Variants in NOL12 observed in about 807,000 individuals in gnomAD.
NOL12 encodes the protein nucleolar protein 12.
NOL12 carries 21 observed loss-of-function variants against 25.2 expected under a neutral mutation model. The ratio of observed to expected loss-of-function variants is 0.83; its 90% CI spans 0.59 to 1.20. NOL12 has a LOEUF of 1.20. NOL12 is among the 50% of genes most tolerant of loss of function. The probability of loss-of-function intolerance (pLI) is 0.00; values close to 1 mark genes in which losing one functional copy is unlikely to be tolerated. For missense variants in NOL12, 286 were observed against 287.6 expected, an observed-to-expected ratio of 0.99 and a Z score of 0.04; for synonymous variants, 133 against 113.8, an observed-to-expected ratio of 1.17 and a Z score of -1.08.
rs1569025716 is a variant in NOL12, at chr22:37,692,031, G to T, written c.*695G>T. 6.5e-6 allele frequency: 1 copy of T among 152,822 alleles called. No individual in the cohort carries two copies. Among genetic ancestry groups the T allele is most frequent in the East Asian group, 1.9e-4 (1 of 5,232 alleles). The allele number at this position is 152,822 out of a possible 1,614,324, so 9.5% of individuals were successfully genotyped here. On this transcript the variant is annotated 3_prime_UTR_variant, in exon 6 of 6. Coordinates refer to ENST00000359114, the MANE Select transcript of NOL12 (RefSeq NM_024313.3). ...CAGGCTTCCAGCAGCTCCCAGGTGGGTCCCAACGTGGAAGGATTAATTAAT... is the reference window on the plus strand; with the variant it reads ...CAGGCTTCCAGCAGCTCCCAGGTGGTTCCCAACGTGGAAGGATTAATTAAT...
intron 1 of NOL12, chr22:37,687,142 G>A (rs995122800): frequency 1.0e-6 from 1 of 966,700 alleles, no homozygotes; most frequent in Non-Finnish European, 1.2e-6. Context: ...TGGGGACATG[G>A]GTGTTGGTCC....
chr22:37,693,061 G>A lies in NOL12; in HGVS notation c.*1725G>A, dbSNP rs1022767049. 1 of 207,324 alleles carries A rather than the reference G, an allele frequency of 4.8e-6. No homozygotes were observed. The highest frequency in any genetic ancestry group is 9.6e-6 in the Non-Finnish European group (1 of 104,290). The allele number at this position is 207,324 out of a possible 1,614,324, so 12.8% of individuals were successfully genotyped here. A position where few individuals can be genotyped will look rare whatever the true frequency, so the allele number is the denominator to read the frequency against. On this transcript the variant is annotated 3_prime_UTR_variant, in exon 6 of 6. Transcript: ENST00000359114. ...TGGCTGCCTCGTGCCTGGGCACAGT[G>A]GTGCCTATTATGGGCCCTCCAGGTG...
At position 37,692,960 on chromosome 22, in the gene NOL12, C is replaced by G. The variant is rs1922136325; in HGVS notation, c.*1624C>G. ...TCCCCTCAGGGATTGTGCTGAGCGC[C>G]TTGGCCTGGCTTCTTGGCTCCGCCC... On this transcript the variant is annotated 3_prime_UTR_variant, in exon 6 of 6. Coordinates refer to ENST00000359114, the MANE Select transcript of NOL12 (RefSeq NM_024313.3). 1 of 364,498 alleles carries G rather than the reference C, an allele frequency of 2.7e-6. No homozygotes were observed. The highest frequency in any genetic ancestry group is 2.1e-5 in the African/African-American group (1 of 48,030). The allele number at this position is 364,498 out of a possible 1,614,324, so 22.6% of individuals were successfully genotyped here. A position where few individuals can be genotyped will look rare whatever the true frequency, so the allele number is the denominator to read the frequency against.
intron 4 of NOL12, 136 bp from the exon 5 acceptor site, chr22:37,690,561 C>G (rs1275041653): frequency 3.2e-6 from 2 of 615,936 alleles, no homozygotes; most frequent in Non-Finnish European, 5.9e-6. Context: ...CCATCAGAAG[C>G]CTTCTCTAGT....
At position 37,692,323 on chromosome 22, in the gene NOL12, C is replaced by T. The variant is rs1004410666; in HGVS notation, c.*987C>T. 12 of 393,736 alleles carry T rather than the reference C, an allele frequency of 3.0e-5. No homozygotes were observed. The highest frequency in any genetic ancestry group is 5.4e-5 in the Non-Finnish European group (12 of 223,524). 24.4% of individuals were successfully genotyped at this position (393,736 alleles called of 1,614,324 possible). A position where few individuals can be genotyped will look rare whatever the true frequency, so the allele number is the denominator to read the frequency against. On this transcript the variant is annotated 3_prime_UTR_variant, in exon 6 of 6. Coordinates refer to ENST00000359114, the MANE Select transcript of NOL12 (RefSeq NM_024313.3). ...AGTGAGCCGAGATCACGCCATTGCA[C>T]TCCAGCCTGGGCAACGTTGTGACCT...
Position 37,691,258 on chromosome 22 carries a change from A to G in NOL12, c.564A>G (p.Lys188=). ...ATCCCCGACGGGCCCAGGACTCCAA[A>G]AAGCCCCCAAGGGCCCCTCGTACCA... ...RKHPRRAQDS[K]KPPRAPRTSK... is the part of the protein sequence containing the mutation. Residue 188 remains lysine, a synonymous_variant, in exon 6 of 6, where the codon AAA becomes AAG. Coordinates refer to ENST00000359114, the MANE Select transcript of NOL12 (RefSeq NM_024313.3). 6.2e-7 allele frequency: 1 copy of G among 1,614,056 alleles called. No homozygotes were observed. The highest frequency in any genetic ancestry group is 8.5e-7 in the Non-Finnish European group (1 of 1,179,974).
intron 1 of NOL12, chr22:37,686,767 G>C: frequency 2.0e-6 from 2 of 985,426 alleles, no homozygotes; most frequent in Non-Finnish European, 2.4e-6. Flanking sequence ...CCATCGGTCC[G>C]GCACACAGCA....
At chr22:37,691,124 GAGTCACC>G (rs769101688) in intron 5 of NOL12, 43 bp from the exon 6 acceptor site, 2 of 1,545,702 alleles carry the variant, frequency 1.3e-6, no homozygotes, top group Non-Finnish European at 1.8e-6. Context: ...GCCAGGTGGT[GAGTCACC>G]CCACAATGCA....
chr22:37,687,777 G>T (rs566977965), intron 1 of NOL12, 133 bp from the exon 2 acceptor site: 3 of 636,548 alleles, frequency 4.7e-6, no homozygotes, highest in Admixed American at 2.6e-5. Flanking sequence ...AAGGTTAAAT[G>T]AGCTAATACT....
intron 1 of NOL12, 86 bp from the exon 2 acceptor site, chr22:37,687,824 C>A: frequency 2.1e-6 from 2 of 963,248 alleles, no homozygotes; most frequent in African/African-American, 3.3e-5. Context: ...ACATAGTGAG[C>A]GCGGCATTAG....
chr22:37,691,599 A>C lies in NOL12; in HGVS notation c.*263A>C. 1 of 341,014 alleles carries C rather than the reference A, an allele frequency of 2.9e-6. No individual in the cohort carries two copies. Among genetic ancestry groups the C allele is most frequent in the Admixed American group, 5.3e-5 (1 of 18,986 alleles). The allele number at this position is 341,014 out of a possible 1,614,324, so 21.1% of individuals were successfully genotyped here. ...AGAGCCACGTGGGGGCATCTTCCCA[A>C]ATGTGCACCCCACCTGGCACTCATC... On this transcript the variant is annotated 3_prime_UTR_variant, in exon 6 of 6. Transcript: ENST00000359114.
intron 5 of NOL12, 76 bp from the exon 6 acceptor site, chr22:37,691,098 G>A: frequency 6.6e-7 from 1 of 1,508,302 alleles, no homozygotes; most frequent in Non-Finnish European, 9.0e-7. Flanking sequence ...AACCTGTCCT[G>A]ACATCCCCTC....
intron 1 of NOL12, chr22:37,687,258 G>GCCCCCCCCCCCC: frequency 6.7e-6 from 1 of 148,676 alleles, no homozygotes; most frequent in East Asian, 2.3e-4. Flanking sequence ...ACTGTGTGTG[G>GCCCCCCCCCCCC]CCCCCCCCCC....
rs915744908 is a variant in NOL12, at chr22:37,692,802, A to G, written c.*1466A>G. 2.5e-6 allele frequency: 1 copy of G among 398,186 alleles called. No individual in the cohort carries two copies. Among genetic ancestry groups the G allele is most frequent in the Non-Finnish European group, 4.4e-6 (1 of 226,166 alleles). 24.7% of individuals were successfully genotyped at this position (398,186 alleles called of 1,614,324 possible). A position where few individuals can be genotyped will look rare whatever the true frequency, so the allele number is the denominator to read the frequency against. On this transcript the variant is annotated 3_prime_UTR_variant, in exon 6 of 6. Transcript: ENST00000359114. ...TCCACAGCCAACAGCCAGGCCTTACAGTGGGGCAGGCTTAGTGACTGTGCC... is the reference window on the plus strand; with the variant it reads ...TCCACAGCCAACAGCCAGGCCTTACGGTGGGGCAGGCTTAGTGACTGTGCC...
chr22:37,691,262 C>G lies in NOL12; in HGVS notation c.568C>G (p.Pro190Ala). Residue 190 changes from proline to alanine, a missense_variant, in exon 6 of 6, where the codon CCC becomes GCC. Coordinates refer to ENST00000359114, the MANE Select transcript of NOL12 (RefSeq NM_024313.3). ...CCGACGGGCCCAGGACTCCAAAAAG[C>G]CCCCAAGGGCCCCTCGTACCAGCAA... ...HPRRAQDSKK[P>A]PRAPRTSKAQ... The G allele has an allele frequency of 6.2e-7, 1 of 1,614,072 alleles. No individual in the cohort carries two copies. The highest frequency in any genetic ancestry group is 8.5e-7 in the Non-Finnish European group (1 of 1,179,984).
At position 37,688,033 on chromosome 22, in the gene NOL12, G is replaced by A; in HGVS notation, c.189+18G>A. ...GGGAGGAGGTACGCAGGGGGAAGGT[G>A]GGAGGGAGGTCTTTGATTCTTAGGG... On this transcript the variant is annotated intron_variant, in intron 2 of 5. Coordinates refer to ENST00000359114, the MANE Select transcript of NOL12 (RefSeq NM_024313.3). 1 of 1,518,858 alleles carries A rather than the reference G, an allele frequency of 6.6e-7. No homozygotes were observed. Among genetic ancestry groups the A allele is most frequent in the African/African-American group, 1.4e-5 (1 of 72,786 alleles). The allele number at this position is 1,518,858 out of a possible 1,614,324, so 94.1% of individuals were successfully genotyped here.
intron 1 of NOL12, 99 bp from the exon 2 acceptor site, chr22:37,687,811 A>G: frequency 2.4e-6 from 2 of 842,038 alleles, no homozygotes; most frequent in South Asian, 3.0e-5. Context: ...AATGGTGCCT[A>G]GCACATAGTG....
Position 37,691,363 on chromosome 22 carries a change from C to A in NOL12, c.*27C>A. 2 of 1,583,422 alleles carry A rather than the reference C, an allele frequency of 1.3e-6. No homozygotes were observed. The highest frequency in any genetic ancestry group is 1.7e-6 in the Non-Finnish European group (2 of 1,162,482). On this transcript the variant is annotated 3_prime_UTR_variant, in exon 6 of 6. Coordinates refer to ENST00000359114, the MANE Select transcript of NOL12 (RefSeq NM_024313.3). ...ACCGAGAACGAAGCGGTGCCCCAGT[C>A]TAGGCTGCGGGGACCTGTCCTTGCT...
chr22:37,689,995 A>G (rs1163310288), intron 4 of NOL12, among the ~76,000 whole-genome samples: 3 of 152,264 alleles, frequency 2.0e-5, no homozygotes, highest in Non-Finnish European at 4.4e-5. Flanking sequence ...AACGTGGAGA[A>G]ACCCTGTCTC....
Sources: allele counts gnomAD v4.1 joint callset (sites outside exome capture counted in the v4.1 genomes callset), GRCh38; gene constraint gnomAD v4.1.1; transcripts MANE v1.5; gene names NCBI Gene and HGNC (gene_info 2026-07-23, HGNC 2026-07-21).